SCAPER: variants seen among roughly 807,000 people sequenced by gnomAD.
The protein encoded by SCAPER is S phase cyclin A-associated protein in the endoplasmic reticulum.
Under a neutral mutation model 182.2 loss-of-function variants are expected in SCAPER, and 98 were observed. That is an observed-to-expected ratio of 0.54 (90% CI 0.46 to 0.64). The LOEUF (loss-of-function observed/expected upper bound fraction) is 0.64. SCAPER is among the 30% of genes least tolerant of loss of function. The pLI, the probability that SCAPER is intolerant of heterozygous loss-of-function variation, is 0.00. For synonymous variants in SCAPER, 605 were observed against 564.6 expected (o/e 1.07, Z -1.01); for missense variants, 1,432 against 1,690.0 (o/e 0.85, Z 2.68).
intron 5 of SCAPER, among the ~76,000 whole-genome samples, chr15:76,826,627 T>A (rs2068045237): frequency 6.7e-6 from 1 of 150,002 alleles, no homozygotes; most frequent in Non-Finnish European, 1.5e-5. Flanking sequence ...CAAGTCGACA[T>A]CCATAGAAGG....
At chr15:76,892,021 C>T (rs994101216) in intron 1 of SCAPER, among the ~76,000 whole-genome samples, 1 of 152,116 alleles carries the variant, frequency 6.6e-6, no homozygotes, top group Non-Finnish European at 1.5e-5. Flanking sequence ...AGAAATAACA[C>T]CACACATCTA....
chr15:76,473,305 T>C (rs1211151413), intron 24 of SCAPER, among the ~76,000 whole-genome samples: 1 of 152,236 alleles, frequency 6.6e-6, no homozygotes, highest in Non-Finnish European at 1.5e-5. Flanking sequence ...TATCTGCCCA[T>C]GTCCTGCCTG....
At chr15:76,454,188 ATG>A (rs2048564580) in intron 25 of SCAPER, among the ~76,000 whole-genome samples, 1 of 151,954 alleles carries the variant, frequency 6.6e-6, no homozygotes, top group Non-Finnish European at 1.5e-5. Flanking sequence ...GTTTTCTTAG[ATG>A]ATCACATTAC....
intron 1 of SCAPER, among the ~76,000 whole-genome samples, chr15:76,895,935 G>A (rs1463195759): frequency 6.6e-6 from 1 of 151,800 alleles, no homozygotes; most frequent in African/African-American, 2.4e-5. Flanking sequence ...AGCTACTTGG[G>A]AAGCTGAGGC....
At chr15:76,673,980 C>CACACAT (rs879562340) in intron 20 of SCAPER, among the ~76,000 whole-genome samples, 33 of 151,310 alleles carry the variant, frequency 2.2e-4, no homozygotes, top group Non-Finnish European at 3.7e-4. Flanking sequence ...CACACACACA[C>CACACAT]ACACACACAC....
intron 6 of SCAPER, among the ~76,000 whole-genome samples, chr15:76,801,380 T>C (rs1276357313): frequency 6.6e-6 from 1 of 152,236 alleles, no homozygotes; most frequent in Non-Finnish European, 1.5e-5. Flanking sequence ...GGTGTCTGCC[T>C]GTGTCTTACA....
At chr15:76,633,484 C>T (rs1250532650) in intron 21 of SCAPER, among the ~76,000 whole-genome samples, 1 of 152,218 alleles carries the variant, frequency 6.6e-6, no homozygotes, top group Admixed American at 6.5e-5. Context: ...GGGAATCCCC[C>T]TCATCCGGGC....
intron 22 of SCAPER, among the ~76,000 whole-genome samples, chr15:76,578,901 T>C (rs750698079): frequency 6.6e-6 from 1 of 152,182 alleles, no homozygotes; most frequent in Non-Finnish European, 1.5e-5. Context: ...AAGTGACTCT[T>C]TCAGGCAGAG....
At chr15:76,581,748 G>A (rs1466143550) in intron 22 of SCAPER, among the ~76,000 whole-genome samples, 1 of 151,938 alleles carries the variant, frequency 6.6e-6, no homozygotes, top group African/African-American at 2.4e-5. Context: ...ACCATGCCTG[G>A]CTAATTTTTT....
At chr15:76,727,131 T>C (rs987363498) in intron 17 of SCAPER, among the ~76,000 whole-genome samples, 9 of 151,974 alleles carry the variant, frequency 5.9e-5, no homozygotes, top group Admixed American at 2.0e-4. Context: ...CCTAAATCAG[T>C]AGAAAAACAT....
chr15:76,841,010 T>A (rs1321411259), intron 5 of SCAPER, among the ~76,000 whole-genome samples: 1 of 152,198 alleles, frequency 6.6e-6, no homozygotes, highest in East Asian at 1.9e-4. Flanking sequence ...GGGAGTAATG[T>A]CCAATTAGAC....
At chr15:76,372,208 C>A (rs964067950) in intron 29 of SCAPER, among the ~76,000 whole-genome samples, 2 of 152,142 alleles carry the variant, frequency 1.3e-5, no homozygotes, top group Non-Finnish European at 2.9e-5. Flanking sequence ...TTTCTAATTT[C>A]TTCCTCAGCA....
chr15:76,766,936 GTCAGTT>G lies in SCAPER; in HGVS notation c.1395_1400del (p.Glu465_Thr466del). The G allele has an allele frequency of 6.3e-7, 1 of 1,597,426 alleles. No individual in the cohort carries two copies. On this transcript the variant is annotated inframe_deletion, in exon 11 of 32. Transcript: ENST00000563290. The stretch of plus-strand genomic sequence containing the variant: ...AGCTCACAGAAAAATCACTGTCGTT[GTCAGTT>G]TCAATGTTAATATCATTGTTTTCTT...
chr15:76,486,380 T>G (rs188840122), intron 24 of SCAPER, among the ~76,000 whole-genome samples: 34 of 152,054 alleles, frequency 2.2e-4, no homozygotes, highest in South Asian at 2.1e-4. Flanking sequence ...CTAATTAAAC[T>G]AAAGAGCTTC....
intron 5 of SCAPER, among the ~76,000 whole-genome samples, chr15:76,828,817 T>G (rs971299669): frequency 6.6e-6 from 1 of 152,136 alleles, no homozygotes; most frequent in Non-Finnish European, 1.5e-5. Context: ...GTAACAAATT[T>G]CAATTCCTGA....
chr15:76,631,134 T>C (rs954718935), intron 21 of SCAPER, among the ~76,000 whole-genome samples: 2 of 152,196 alleles, frequency 1.3e-5, no homozygotes, highest in African/African-American at 2.4e-5. Context: ...TTGTTTTCCA[T>C]TTGCTTGGTA....
chr15:76,574,307 A>G (rs1347617737), intron 22 of SCAPER, 23 bp from the exon 23 acceptor site: 1 of 1,606,758 alleles, frequency 6.2e-7, no homozygotes, highest in South Asian at 1.1e-5. Context: ...ATGAAAGGAA[A>G]GAATGACATT....
chr15:76,423,193 T>A (rs1431030448), intron 26 of SCAPER, among the ~76,000 whole-genome samples: 1 of 152,226 alleles, frequency 6.6e-6, no homozygotes, highest in Non-Finnish European at 1.5e-5. Context: ...TCAGAAGGAA[T>A]GGTACCTGCT....
At chr15:76,611,930 G>A (rs775490859) in intron 22 of SCAPER, among the ~76,000 whole-genome samples, 1 of 152,058 alleles carries the variant, frequency 6.6e-6, no homozygotes, top group Non-Finnish European at 1.5e-5. Flanking sequence ...ACTAGGTATT[G>A]GAGGAATATA....
Sources: gnomAD v4.1 joint callset for allele counts (sites outside exome capture counted in the v4.1 genomes callset) on GRCh38, gnomAD v4.1.1 for gene constraint, MANE v1.5 for transcripts, NCBI Gene and HGNC (gene_info 2026-07-23, HGNC 2026-07-21) for gene names.